MCTP1: variants seen among roughly 807,000 people sequenced by gnomAD.
MCTP1 encodes multiple C2 and transmembrane domain-containing protein 1.
Under a neutral mutation model 120.6 loss-of-function variants are expected in MCTP1, and 69 were observed. That is an observed-to-expected ratio of 0.57 (90% CI 0.47 to 0.70). The LOEUF is 0.70. Ranked by LOEUF, MCTP1 falls within the 30% of genes least tolerant of loss-of-function variation. MCTP1 has a pLI of 0.00. For missense variants in MCTP1, 1,203 were observed against 1,248.8 expected (o/e 0.96, Z 0.55); for synonymous variants, 529 against 493.1 (o/e 1.07, Z -0.96).
chr5:95,282,205 T>C (rs1160230502), intron 1 of MCTP1, among the ~76,000 whole-genome samples: 1 of 152,214 alleles, frequency 6.6e-6, no homozygotes, highest in Non-Finnish European at 1.5e-5. Context: ...CATACTTACA[T>C]AGTAGTGTTT....
At chr5:95,043,436 T>G (rs555412912) in intron 1 of MCTP1, among the ~76,000 whole-genome samples, 121 of 152,236 alleles carry the variant, frequency 7.9e-4, no homozygotes, top group Non-Finnish European at 1.4e-3. Flanking sequence ...GAAGCCCATG[T>G]GACTTCCTCC....
intron 1 of MCTP1, among the ~76,000 whole-genome samples, chr5:95,202,405 C>T (rs1365400302): frequency 6.6e-6 from 1 of 152,162 alleles, no homozygotes; most frequent in African/African-American, 2.4e-5. Context: ...CCTGGTTCTC[C>T]AGTTTGCAAA....
intron 19 of MCTP1, among the ~76,000 whole-genome samples, chr5:94,755,080 T>C (rs1446273647): frequency 2.6e-5 from 4 of 152,218 alleles, no homozygotes; most frequent in African/African-American, 9.6e-5. Context: ...TGACTGGCTG[T>C]CACAGTCCTC....
chr5:95,157,813 T>C (rs568166797), intron 1 of MCTP1, among the ~76,000 whole-genome samples: 1 of 152,308 alleles, frequency 6.6e-6, no homozygotes, highest in East Asian at 1.9e-4. Flanking sequence ...TTTTTATAAA[T>C]AATGTTTTAT....
At chr5:94,737,567 C>G (rs1764559253) in intron 19 of MCTP1, among the ~76,000 whole-genome samples, 1 of 152,146 alleles carries the variant, frequency 6.6e-6, no homozygotes, top group Non-Finnish European at 1.5e-5. Flanking sequence ...TATACAGGTT[C>G]TTAAATATTT....
chr5:94,797,293 C>G (rs541489942), intron 18 of MCTP1, among the ~76,000 whole-genome samples: 2 of 152,008 alleles, frequency 1.3e-5, no homozygotes, highest in African/African-American at 4.8e-5. Flanking sequence ...ATAAGCCCCC[C>G]CTCATAGAAT....
At chr5:95,165,517 T>A (rs1373754183) in intron 1 of MCTP1, among the ~76,000 whole-genome samples, 3 of 152,226 alleles carry the variant, frequency 2.0e-5, no homozygotes, top group Admixed American at 6.5e-5. Flanking sequence ...AGTTAATAGG[T>A]GTGAATTGCT....
intron 1 of MCTP1, among the ~76,000 whole-genome samples, chr5:95,259,356 C>T (rs1758237670): frequency 6.6e-6 from 1 of 152,118 alleles, no homozygotes; most frequent in Non-Finnish European, 1.5e-5. Flanking sequence ...GTGTCAAAAG[C>T]TTTGGTATCC....
At chr5:95,100,146 A>T (rs1171767618) in intron 1 of MCTP1, among the ~76,000 whole-genome samples, 2 of 121,852 alleles carry the variant, frequency 1.6e-5, no homozygotes, top group Non-Finnish European at 3.4e-5. Flanking sequence ...GGGGGGAGGG[A>T]TAGCATTGGG....
At chr5:95,129,265 T>A (rs1033481478) in intron 1 of MCTP1, among the ~76,000 whole-genome samples, 3 of 152,256 alleles carry the variant, frequency 2.0e-5, no homozygotes, top group Non-Finnish European at 4.4e-5. Context: ...AGTGCTTCTT[T>A]ATCTGAAGCA....
chr5:95,206,538 TTTTG>T (rs1161250086), intron 1 of MCTP1, among the ~76,000 whole-genome samples: 1 of 152,120 alleles, frequency 6.6e-6, no homozygotes, highest in Non-Finnish European at 1.5e-5. Flanking sequence ...ATTTTATAGA[TTTTG>T]TTTGTTTTTT....
At chr5:95,249,960 G>A (rs1307301485) in intron 1 of MCTP1, among the ~76,000 whole-genome samples, 4 of 152,106 alleles carry the variant, frequency 2.6e-5, no homozygotes, top group African/African-American at 9.7e-5. Flanking sequence ...TGAACAACAA[G>A]AACACATGGA....
At chr5:95,216,679 A>G (rs1753077129) in intron 1 of MCTP1, among the ~76,000 whole-genome samples, 1 of 152,146 alleles carries the variant, frequency 6.6e-6, no homozygotes, top group Non-Finnish European at 1.5e-5. Flanking sequence ...TGAGAAGTGA[A>G]ATGGCAAAAT....
At chr5:94,890,781 C>T (rs1802407914) in intron 11 of MCTP1, among the ~76,000 whole-genome samples, 1 of 152,172 alleles carries the variant, frequency 6.6e-6, no homozygotes, top group African/African-American at 2.4e-5. Context: ...GGCACAAATA[C>T]TTTGAGAGTA....
rs551117527 is a variant in MCTP1 at position 95,001,453 on chromosome 5, G to A, written c.838+15914C>T. On this transcript the variant is annotated intron_variant, in intron 2 of 22. Coordinates refer to ENST00000515393, the MANE Select transcript of MCTP1 (RefSeq NM_024717.7). ...GAGGGCTCAGAAGACAGGAAGATGAGGAAACCTTTGGAACTTCCTAGAGAC... is the reference window on the plus strand; with the variant it reads ...GAGGGCTCAGAAGACAGGAAGATGAAGAAACCTTTGGAACTTCCTAGAGAC... Among the ~76,000 whole-genome samples the A allele has an allele frequency of 3.9e-5, 6 of 152,250 alleles. No individual in the cohort carries two copies. In the South Asian group the frequency reaches 6.2e-4, roughly 16 times the overall value.
chr5:94,849,593 G>A (rs750192041), intron 17 of MCTP1, among the ~76,000 whole-genome samples: 2 of 152,120 alleles, frequency 1.3e-5, no homozygotes, highest in African/African-American at 4.8e-5. Flanking sequence ...CCTGGCAGCT[G>A]AGTAGGTACA....
At chr5:95,009,549 AGTT>A (rs1835496633) in intron 2 of MCTP1, among the ~76,000 whole-genome samples, 1 of 151,508 alleles carries the variant, frequency 6.6e-6, no homozygotes, top group Non-Finnish European at 1.5e-5. Context: ...TGTATGCCCC[AGTT>A]ATTATATGAT....
chr5:95,095,291 G>A lies in MCTP1; in HGVS notation c.721-77807C>T, dbSNP rs1756165744. Among the ~76,000 whole-genome samples the A allele has an allele frequency of 2.6e-5, 4 of 152,038 alleles. No homozygotes were observed. In the South Asian group the frequency reaches 8.3e-4, roughly 31 times the overall value. Reference sequence around the variant, plus strand: ...ACCCGCCTCGGCCTCCCAAAGTGCTGGGATTACAGGCGTGAGCCACCGCGC... The same window carrying A: ...ACCCGCCTCGGCCTCCCAAAGTGCTAGGATTACAGGCGTGAGCCACCGCGC... On this transcript the variant is annotated intron_variant, in intron 1 of 22. Coordinates refer to ENST00000515393, the MANE Select transcript of MCTP1 (RefSeq NM_024717.7).
intron 17 of MCTP1, among the ~76,000 whole-genome samples, chr5:94,806,995 C>T (rs570313932): frequency 1.5e-4 from 23 of 152,226 alleles, no homozygotes; most frequent in Admixed American, 1.2e-3. Flanking sequence ...TTTTCTTAAA[C>T]TTAACACACA....
Sources: allele counts gnomAD v4.1 joint callset (sites outside exome capture counted in the v4.1 genomes callset), GRCh38; gene constraint gnomAD v4.1.1; transcripts MANE v1.5; gene names NCBI Gene and HGNC (gene_info 2026-07-23, HGNC 2026-07-21).